ZFAND3: variants seen among roughly 807,000 people sequenced by gnomAD.
ZFAND3 encodes the protein AN1-type zinc finger protein 3.
ZFAND3 carries 10 observed loss-of-function variants against 29.6 expected under a neutral mutation model. The ratio of observed to expected loss-of-function variants is 0.34; its 90% CI spans 0.21 to 0.57. The LOEUF (loss-of-function observed/expected upper bound fraction) is 0.57, where lower values mean the gene tolerates loss of function less well. Among genes scored for constraint, ZFAND3 ranks in the 20% least tolerant of loss-of-function variants. The probability of loss-of-function intolerance (pLI) is 0.86; values close to 1 mark genes in which losing one functional copy is unlikely to be tolerated. For missense variants in ZFAND3, 230 were observed against 304.5 expected, an observed-to-expected ratio of 0.76 and a Z score of 1.82; for synonymous variants, 128 against 112.6, an observed-to-expected ratio of 1.14 and a Z score of -0.87.
At chr6:38,144,231 A>ATATAATATATATATATATT (rs1365246829) in intron 5 of ZFAND3, among the ~76,000 whole-genome samples, 2 of 75,282 alleles carry the variant, frequency 2.7e-5, no homozygotes, top group African/African-American at 8.5e-5. Context: ...ATATATATAT[A>ATATAATATATATATATATT]TTTTTTTTTT....
intron 5 of ZFAND3, among the ~76,000 whole-genome samples, chr6:38,137,574 A>T (rs1765865947): frequency 6.6e-6 from 1 of 152,234 alleles, no homozygotes; most frequent in Non-Finnish European, 1.5e-5. Context: ...TGGTGCTTTT[A>T]TTCTTTAGGG....
chr6:38,088,052 C>CT (rs1284921489), intron 4 of ZFAND3, among the ~76,000 whole-genome samples: 1 of 152,156 alleles, frequency 6.6e-6, no homozygotes, highest in Non-Finnish European at 1.5e-5. Flanking sequence ...AATACCTACA[C>CT]TTATGTGTTT....
intron 1 of ZFAND3, among the ~76,000 whole-genome samples, chr6:37,892,449 T>C (rs1387262483): frequency 6.6e-6 from 1 of 152,112 alleles, no homozygotes; most frequent in Admixed American, 6.6e-5. Context: ...AAAAAATGTA[T>C]TGGATGGAGC....
intron 5 of ZFAND3, among the ~76,000 whole-genome samples, chr6:38,130,907 G>A (rs1581944721): frequency 1.3e-5 from 2 of 152,226 alleles, no homozygotes; most frequent in Middle Eastern, 6.8e-3. Flanking sequence ...TTGAATGTCT[G>A]GTAGAATTCT....
chr6:37,971,465 C>G (rs981084334), intron 2 of ZFAND3, among the ~76,000 whole-genome samples: 19 of 152,124 alleles, frequency 1.2e-4, no homozygotes, highest in Admixed American at 1.1e-3. Flanking sequence ...AGTTTTCCAG[C>G]ACATTTCTTG....
intron 1 of ZFAND3, among the ~76,000 whole-genome samples, chr6:37,894,283 G>A (rs530694655): frequency 1.5e-3 from 233 of 152,194 alleles, no homozygotes; most frequent in African/African-American, 5.3e-3. Context: ...AAGGAGATAC[G>A]AATAATTAGA....
chr6:37,877,404 G>A (rs1764813041), intron 1 of ZFAND3, among the ~76,000 whole-genome samples: 2 of 152,178 alleles, frequency 1.3e-5, no homozygotes, highest in African/African-American at 4.8e-5. Context: ...AGAATTGAAG[G>A]GTATCAGAGA....
In ZFAND3 at chr6:37,918,951, C is replaced by CTTTTTTTTTTTTTTTTTT. The variant is rs66941014; in HGVS notation, c.72-11005_72-10988dup. ...TGTGTTTTCAAAACATGAAAAATGC[C>CTTTTTTTTTTTTTTTTTT]TTTTTTTTTTTTTTTTTTTTGAGAC... On this transcript the variant is annotated intron_variant, in intron 1 of 5. Coordinates refer to ENST00000287218, the MANE Select transcript of ZFAND3 (RefSeq NM_021943.3). Among the ~76,000 whole-genome samples, 392 of 104,680 alleles carry CTTTTTTTTTTTTTTTTTT rather than the reference C, an allele frequency of 3.7e-3. 42 individuals are homozygous for CTTTTTTTTTTTTTTTTTT. Among genetic ancestry groups the CTTTTTTTTTTTTTTTTTT allele is most frequent in the African/African-American group, 0.01 (246 of 24,568 alleles). 68.7% of individuals were successfully genotyped at this position (104,680 alleles called of 152,430 possible).
At chr6:37,921,045 T>G (rs1206321329) in intron 1 of ZFAND3, among the ~76,000 whole-genome samples, 3 of 152,142 alleles carry the variant, frequency 2.0e-5, no homozygotes, top group African/African-American at 7.2e-5. Flanking sequence ...TAGTAGGTAT[T>G]GTGGTTTGTT....
intron 2 of ZFAND3, among the ~76,000 whole-genome samples, chr6:38,010,402 T>C (rs935463675): frequency 6.6e-6 from 1 of 152,188 alleles, no homozygotes; most frequent in Non-Finnish European, 1.5e-5. Flanking sequence ...AACAGTGTTA[T>C]TTGAGGAGCC....
At chr6:37,871,380 A>T (rs998463482) in intron 1 of ZFAND3, among the ~76,000 whole-genome samples, 4 of 151,736 alleles carry the variant, frequency 2.6e-5, no homozygotes, top group Non-Finnish European at 5.9e-5. Context: ...TTAATCCTTG[A>T]GCATAGTTAT....
chr6:38,131,975 T>C (rs1356861496), intron 5 of ZFAND3, among the ~76,000 whole-genome samples: 1 of 152,232 alleles, frequency 6.6e-6, no homozygotes, highest in East Asian at 1.9e-4. Flanking sequence ...GATTTCCCAG[T>C]GGATTATTTG....
At chr6:38,100,852 C>T (rs775065885) in intron 4 of ZFAND3, among the ~76,000 whole-genome samples, 1 of 152,220 alleles carries the variant, frequency 6.6e-6, no homozygotes, top group Non-Finnish European at 1.5e-5. Flanking sequence ...CCTTATCTCT[C>T]GCCCTCTTTG....
At chr6:38,037,751 AT>A in intron 2 of ZFAND3, among the ~76,000 whole-genome samples, 1 of 152,200 alleles carries the variant, frequency 6.6e-6, no homozygotes, top group Non-Finnish European at 1.5e-5. Flanking sequence ...CACCTTTATC[AT>A]TCTAATGAAA....
In ZFAND3 at chr6:37,889,235, A is replaced by G. The variant is rs1765051703; in HGVS notation, c.72-40724A>G. Among the ~76,000 whole-genome samples the G allele has an allele frequency of 2.6e-5, 4 of 152,148 alleles. No individual in the cohort carries two copies. In the South Asian group the frequency reaches 8.3e-4, roughly 32 times the overall value. ...AAAAAGGAAGCTTTCCTTCGTCTCTATTTTCTATATTAATGGGGAATAAAA... is the reference window on the plus strand; with the variant it reads ...AAAAAGGAAGCTTTCCTTCGTCTCTGTTTTCTATATTAATGGGGAATAAAA... On this transcript the variant is annotated intron_variant, in intron 1 of 5. Transcript: ENST00000287218.
intron 2 of ZFAND3, among the ~76,000 whole-genome samples, chr6:38,037,316 G>A (rs1345258849): frequency 4.6e-5 from 7 of 152,176 alleles, no homozygotes; most frequent in South Asian, 2.1e-4. Flanking sequence ...TCTCCCTGAT[G>A]TCTGATACAA....
At chr6:37,865,866 T>C (rs1764580093) in intron 1 of ZFAND3, among the ~76,000 whole-genome samples, 1 of 152,204 alleles carries the variant, frequency 6.6e-6, no homozygotes, top group South Asian at 2.1e-4. Context: ...CAAAAACTTC[T>C]CTTTTCCAAC....
Position 37,971,284 on chromosome 6 carries a change from G to A in ZFAND3, c.112+41285G>A, listed in dbSNP as rs528146792. On this transcript the variant is annotated intron_variant, in intron 2 of 5. Coordinates refer to ENST00000287218, the MANE Select transcript of ZFAND3 (RefSeq NM_021943.3). ...AGCCCTCTTATTGTATATACTGAAC[G>A]CATTTTTAAATTGAAGAGATACTAT... is the stretch of plus-strand genomic sequence containing the variant. 9.9e-5 allele frequency among the ~76,000 whole-genome samples: 15 copies of A among 152,162 alleles called. 1 individual carries two copies. Among genetic ancestry groups the A allele is most frequent in the African/African-American group, 2.9e-4 (12 of 41,510 alleles).
intron 2 of ZFAND3, among the ~76,000 whole-genome samples, chr6:38,022,886 TTAGTA>T (rs1247144250): frequency 1.1e-4 from 16 of 152,242 alleles, no homozygotes; most frequent in African/African-American, 3.6e-4. Context: ...GTAAGGACTC[TTAGTA>T]TAGTTCAGCC....
Sources: gnomAD v4.1 joint callset for allele counts (sites outside exome capture counted in the v4.1 genomes callset) on GRCh38, gnomAD v4.1.1 for gene constraint, MANE v1.5 for transcripts, NCBI Gene and HGNC (gene_info 2026-07-23, HGNC 2026-07-21) for gene names.